Variants in ZPLD1 observed in about 807,000 individuals in gnomAD.
ZPLD1 encodes the protein zona pellucida-like domain-containing protein 1.
ZPLD1 carries 34 observed loss-of-function variants against 47.2 expected under a neutral mutation model. The ratio of observed to expected loss-of-function variants is 0.72; its 90% CI spans 0.55 to 0.96. The LOEUF (loss-of-function observed/expected upper bound fraction) is 0.96, where lower values mean the gene tolerates loss of function less well. Ranked by LOEUF, ZPLD1 falls within the 40% of genes least tolerant of loss-of-function variation. The pLI is 0.00. For synonymous variants in ZPLD1, 176 were observed against 186.2 expected, an observed-to-expected ratio of 0.95 and a Z score of 0.45; for missense variants, 512 against 505.8, an observed-to-expected ratio of 1.01 and a Z score of -0.12.
intron 8 of ZPLD1, among the ~76,000 whole-genome samples, chr3:102,425,452 A>G (rs145801350): frequency 1.9e-4 from 29 of 152,170 alleles, no homozygotes; most frequent in Non-Finnish European, 1.0e-4. Context: ...CATTATCTGC[A>G]ATCTCAACCA....
intron 6 of ZPLD1, among the ~76,000 whole-genome samples, chr3:102,385,522 C>A (rs1248600349): frequency 6.6e-6 from 1 of 152,102 alleles, no homozygotes; most frequent in Non-Finnish European, 1.5e-5. Flanking sequence ...TTATGAATAT[C>A]TAAACACATT....
At chr3:102,425,196 C>T (rs562674146) in intron 8 of ZPLD1, among the ~76,000 whole-genome samples, 1 of 152,078 alleles carries the variant, frequency 6.6e-6, no homozygotes, top group Non-Finnish European at 1.5e-5. Context: ...CCAAACTAAA[C>T]AGCTATTGTC....
At chr3:102,426,291 G>A (rs574035123) in intron 8 of ZPLD1, among the ~76,000 whole-genome samples, 1 of 152,280 alleles carries the variant, frequency 6.6e-6, no homozygotes, top group African/African-American at 2.4e-5. Context: ...GCTGAGGCAG[G>A]TAGTTCGCCT....
At chr3:102,443,257 G>A (rs898344334) in intron 3 of ZPLD1, among the ~76,000 whole-genome samples, 6 of 152,082 alleles carry the variant, frequency 3.9e-5, no homozygotes, top group Admixed American at 6.5e-5. Context: ...ATGTGATTTC[G>A]TATTATGCTG....
chr3:102,403,609 C>T (rs750250661), intron 7 of ZPLD1, among the ~76,000 whole-genome samples: 5 of 151,948 alleles, frequency 3.3e-5, no homozygotes, highest in African/African-American at 4.8e-5. Context: ...CATTTTTGGG[C>T]TTTAATTCAA....
At chr3:102,395,920 T>C (rs1308775276) in intron 7 of ZPLD1, among the ~76,000 whole-genome samples, 1 of 152,196 alleles carries the variant, frequency 6.6e-6, no homozygotes, top group Admixed American at 6.5e-5. Flanking sequence ...TCTTCTGACT[T>C]TCTTCAGGCT....
chr3:102,459,088 T>G (rs1458525267), intron 6 of ZPLD1, among the ~76,000 whole-genome samples: 16 of 26,900 alleles, frequency 5.9e-4, no homozygotes, highest in African/African-American at 5.7e-3. Context: ...AGACTCCGTC[T>G]CAAAAAAAAA....
intron 7 of ZPLD1, among the ~76,000 whole-genome samples, chr3:102,401,966 A>C (rs1291923085): frequency 6.6e-6 from 1 of 152,048 alleles, no homozygotes; most frequent in African/African-American, 2.4e-5. Context: ...AACTTAGCAA[A>C]CTAAGGCTAT....
intron 8 of ZPLD1, among the ~76,000 whole-genome samples, chr3:102,423,614 CATTT>C (rs1706906487): frequency 6.6e-6 from 1 of 152,020 alleles, no homozygotes; most frequent in South Asian, 2.1e-4. Flanking sequence ...AATAAATTTG[CATTT>C]TCTAAGCATA....
At chr3:102,461,454 G>T (rs2107346153) in intron 6 of ZPLD1, among the ~76,000 whole-genome samples, 2 of 151,934 alleles carry the variant, frequency 1.3e-5, no homozygotes, top group South Asian at 4.2e-4. Flanking sequence ...CTCTAGAACT[G>T]GTCCAAAATA....
chr3:102,440,470 A>C (rs182678392), intron 3 of ZPLD1, among the ~76,000 whole-genome samples: 2 of 151,988 alleles, frequency 1.3e-5, no homozygotes, highest in Admixed American at 6.6e-5. Flanking sequence ...GTTAACTGAC[A>C]AAAAAAACAT....
intron 7 of ZPLD1, among the ~76,000 whole-genome samples, chr3:102,394,369 G>A (rs1272507476): frequency 6.6e-6 from 1 of 152,054 alleles, no homozygotes; most frequent in African/African-American, 2.4e-5. Context: ...ATTTTTGATT[G>A]CTAATTATAC....
chr3:102,449,746 C>T (rs1206228395), intron 3 of ZPLD1, among the ~76,000 whole-genome samples: 1 of 152,116 alleles, frequency 6.6e-6, no homozygotes, highest in Non-Finnish European at 1.5e-5. Context: ...AAAAAATCAA[C>T]TTTATCATAG....
chr3:102,459,725 G>A (rs6782753), intron 6 of ZPLD1, among the ~76,000 whole-genome samples: 1 of 152,060 alleles, frequency 6.6e-6, no homozygotes. Context: ...CAGAAAAGTT[G>A]ATTAGAAAGT....
intron 3 of ZPLD1, among the ~76,000 whole-genome samples, chr3:102,438,953 C>T (rs1707133310): frequency 6.6e-6 from 1 of 151,940 alleles, no homozygotes; most frequent in Non-Finnish European, 1.5e-5. Flanking sequence ...TAGGAATAAT[C>T]TTAAGAAAAT....
intron 6 of ZPLD1, among the ~76,000 whole-genome samples, chr3:102,388,793 TA>T (rs1457886301): frequency 6.6e-6 from 1 of 152,186 alleles, no homozygotes; most frequent in African/African-American, 2.4e-5. Flanking sequence ...ATATCACAGT[TA>T]AAAAATATTT....
In ZPLD1 at chr3:102,435,074, G is replaced by A. The variant is rs183009244; in HGVS notation, c.-203G>A. 123 of 1,611,300 alleles carry A rather than the reference G, an allele frequency of 7.6e-5. 1 individual carries two copies. In the African/African-American group the frequency reaches 1.5e-3, roughly 20 times the overall value. On this transcript the variant is annotated 5_prime_UTR_variant, in exon 1 of 12. Transcript: ENST00000466937. ...AATTCAATTTCAGAAAAGTATTTAG[G>A]GACTGTGCTAAAATAGCATCTCCAA...
chr3:102,426,280 G>A (rs62274732), intron 8 of ZPLD1, among the ~76,000 whole-genome samples: 1 of 152,028 alleles, frequency 6.6e-6, no homozygotes, highest in Non-Finnish European at 1.5e-5. Flanking sequence ...CACTTTGGGA[G>A]GCTGAGGCAG....
chr3:102,394,321 CATA>C (rs1333667147), intron 7 of ZPLD1, among the ~76,000 whole-genome samples: 7 of 152,140 alleles, frequency 4.6e-5, no homozygotes, highest in Non-Finnish European at 1.0e-4. Context: ...TCAAGGATCT[CATA>C]ATAACATCAA....
Sources: gnomAD v4.1 joint callset for allele counts (sites outside exome capture counted in the v4.1 genomes callset) on GRCh38, gnomAD v4.1.1 for gene constraint, MANE v1.5 for transcripts, NCBI Gene and HGNC (gene_info 2026-07-23, HGNC 2026-07-21) for gene names.